Variants in PRR5 observed in about 807,000 individuals in gnomAD.
PRR5 encodes proline rich 5, also known as proline-rich protein 5.
In PRR5, 25 loss-of-function variants were observed where a neutral mutation model predicts 30.6. The ratio of observed to expected loss-of-function variants is 0.82; its 90% CI spans 0.60 to 1.14. PRR5 has a LOEUF of 1.14. PRR5 is among the 50% of genes most tolerant of loss of function. PRR5 has a pLI of 0.00. For missense variants in PRR5, 600 were observed against 547.1 expected, an observed-to-expected ratio of 1.10 and a Z score of -0.96; for synonymous variants, 286 against 247.1, an observed-to-expected ratio of 1.16 and a Z score of -1.48.
chr22:44,703,699 C>A (rs1021974806), intron 1 of PRR5, among the ~76,000 whole-genome samples: 3 of 152,166 alleles, frequency 2.0e-5, no homozygotes, highest in Non-Finnish European at 2.9e-5. Context: ...ATCTCCCTGA[C>A]CCAACGACTG....
At chr22:44,688,444 G>A (rs754605024) in intron 1 of PRR5, among the ~76,000 whole-genome samples, 2 of 152,184 alleles carry the variant, frequency 1.3e-5, no homozygotes, top group Non-Finnish European at 2.9e-5. Flanking sequence ...AACTAGTAGA[G>A]CATAATAGTT....
Position 44,702,513 on chromosome 22 carries a change from C to T in PRR5, c.39C>T (p.Pro13=), listed in dbSNP as rs1324089942. Residue 13 remains proline, a synonymous_variant, in exon 1 of 8, where the codon CCC becomes CCT. Coordinates refer to ENST00000336985, the MANE Select transcript of PRR5 (RefSeq NM_181333.4). ...TLRRLKFMSS[P]SLSDLGKREP... ...GCAGGTTGAAGTTCATGAGTTCGCC[C>T]AGCCTCAGTGACCTGGGCAAGAGAG... The T allele has an allele frequency of 1.4e-6, 2 of 1,471,212 alleles. No individual in the cohort carries two copies. Among genetic ancestry groups the T allele is most frequent in the Non-Finnish European group, 9.0e-7 (1 of 1,109,518 alleles). 91.1% of individuals were successfully genotyped at this position (1,471,212 alleles called of 1,614,324 possible).
intron 2 of PRR5, among the ~76,000 whole-genome samples, chr22:44,721,814 G>A (rs1014036598): frequency 3.3e-5 from 5 of 152,206 alleles, no homozygotes; most frequent in East Asian, 1.9e-4. Flanking sequence ...ACCGGGGCCT[G>A]CCCTCCAGCC....
Position 44,735,131 on chromosome 22 carries a change from C to T in PRR5, c.660C>T (p.Ser220=), listed in dbSNP as rs764102933. 4.3e-6 allele frequency: 7 copies of T among 1,612,980 alleles called. No individual in the cohort carries two copies. Among genetic ancestry groups the T allele is most frequent in the African/African-American group, 1.3e-5 (1 of 74,910 alleles). Residue 220 remains serine (S), a synonymous_variant, in exon 7 of 8, where the codon AGC becomes AGT. Coordinates refer to ENST00000336985, the MANE Select transcript of PRR5 (RefSeq NM_181333.4). ...PYLGTYGLHS[S]EGPFTHSCIL... Reference sequence around the variant, plus strand: ...TGGGCACCTACGGCCTCCACTCCAGCGAGGGGCCCTTCACCCATTCCTGCA... The same window carrying T: ...TGGGCACCTACGGCCTCCACTCCAGTGAGGGGCCCTTCACCCATTCCTGCA...
intron 6 of PRR5, chr22:44,734,679 G>A (rs948502970): frequency 1.3e-4 from 32 of 245,402 alleles, no homozygotes; most frequent in African/African-American, 7.2e-4. Context: ...GTCAGCCAGT[G>A]TCTCTGGAGA....
At chr22:44,734,828 A>C (rs1242125115) in intron 6 of PRR5, 199 bp from the exon 7 acceptor site, 2 of 691,554 alleles carry the variant, frequency 2.9e-6, no homozygotes, top group East Asian at 5.5e-5. Context: ...TGCTGTGAGC[A>C]GCAGAGTGAC....
Position 44,737,014 on chromosome 22 carries a change from G to C in PRR5, c.934G>C (p.Ala312Pro), listed in dbSNP as rs757750907. The C allele has an allele frequency of 1.1e-5, 17 of 1,600,324 alleles. No individual in the cohort carries two copies. The Admixed American group carries it at 2.8e-4, about 27-fold the overall frequency. Reference sequence around the variant, plus strand: ...CACCGGGACCTTCAGGTCCTCCCCGGCGCCCCACTCAGGGCCCTGCCCCAG... The same window carrying C: ...CACCGGGACCTTCAGGTCCTCCCCGCCGCCCCACTCAGGGCCCTGCCCCAG... Reference protein sequence around the residue: ...GPTGTFRSSPAPHSGPCPSRL... With the variant: ...GPTGTFRSSPPPHSGPCPSRL... Residue 312 changes from alanine to proline, a missense_variant, in exon 8 of 8, where the codon GCG (alanine) becomes CCG (proline). Physicochemically the swap from Ala to Pro is conservative, Grantham distance 27 (BLOSUM62 -1). Coordinates refer to ENST00000336985, the MANE Select transcript of PRR5 (RefSeq NM_181333.4).
chr22:44,730,227 A>C, intron 4 of PRR5: 1 of 985,202 alleles, frequency 1.0e-6, no homozygotes, highest in Non-Finnish European at 1.2e-6. Context: ...CCGCATTCCC[A>C]TGGAAACCTC....
Position 44,709,855 on chromosome 22 carries a change from A to G in PRR5, c.135-4736A>G, listed in dbSNP as rs186678797. On this transcript the variant is annotated intron_variant, in intron 1 of 7. Transcript: ENST00000336985. Reference sequence around the variant, plus strand: ...TGACAGAACGAGACTCCATCTCAAAAAAACAAACAGAGAAAAAGAACTTCC... The same window carrying G: ...TGACAGAACGAGACTCCATCTCAAAGAAACAAACAGAGAAAAAGAACTTCC... Among the ~76,000 whole-genome samples the G allele has an allele frequency of 3.0e-3, 453 of 152,302 alleles. 1 individual carries two copies. The highest frequency in any genetic ancestry group is 5.3e-3 in the Non-Finnish European group (361 of 68,036).
upstream of PRR5, among the ~76,000 whole-genome samples, chr22:44,674,353 C>T (rs919398323): frequency 3.3e-5 from 5 of 151,910 alleles, no homozygotes; most frequent in Non-Finnish European, 5.9e-5. Flanking sequence ...TGAGGTTTTG[C>T]AGCCAGGCAC....
chr22:44,702,130 CCCCCGCCCCCTTCCCCG>C (rs1365802746), upstream of PRR5: 12 of 213,178 alleles, frequency 5.6e-5, no homozygotes, highest in African/African-American at 1.2e-4. Context: ...GCCCGCGATG[CCCCCGCCCCCTTCCCCG>C]CCCCGCCCCC....
At chr22:44,732,967 GCATA>G (rs1922468140) in intron 6 of PRR5, among the ~76,000 whole-genome samples, 1 of 148,810 alleles carries the variant, frequency 6.7e-6, no homozygotes, top group South Asian at 2.1e-4. Flanking sequence ...GCGTGCACAC[GCATA>G]CACACTACAC....
chr22:44,727,112 G>A (rs1920987199), intron 4 of PRR5, among the ~76,000 whole-genome samples: 2 of 150,260 alleles, frequency 1.3e-5, no homozygotes, highest in Admixed American at 1.3e-4. Flanking sequence ...GAGTGGGAGA[G>A]TACAGTGATG....
At position 44,714,600 on chromosome 22, in the gene PRR5, CG is replaced by C; in HGVS notation, c.148del (p.Val50Ter). 1 of 1,613,318 alleles carries C rather than the reference CG, an allele frequency of 6.2e-7. No individual in the cohort carries two copies. The highest frequency in any genetic ancestry group is 8.5e-7 in the Non-Finnish European group (1 of 1,179,984). ...TTCCCTCTGCCCCCAGCATCCACAA[CG>C]GGGTGATCGCCGTCTTCCAGCGCAA... ...ANATWNSIHN[G>X]VIAVFQRKGL... On this transcript the variant is annotated frameshift_variant, in exon 2 of 8. Transcript: ENST00000336985. LOFTEE classifies it high-confidence loss of function.
At chr22:44,708,516 G>A (rs1490728342) in intron 1 of PRR5, among the ~76,000 whole-genome samples, 7 of 152,092 alleles carry the variant, frequency 4.6e-5, no homozygotes, top group East Asian at 1.9e-4. Context: ...CCCTGCACCC[G>A]TGTCTCCCCC....
intron 4 of PRR5, chr22:44,729,515 C>T (rs904027481): frequency 1.0e-5 from 10 of 985,530 alleles, no homozygotes; most frequent in South Asian, 4.7e-5. Context: ...CGGCAGCAAA[C>T]GCCCAGTGCT....
chr22:44,710,687 G>C (rs944345294), intron 1 of PRR5, among the ~76,000 whole-genome samples: 3 of 152,178 alleles, frequency 2.0e-5, no homozygotes, highest in East Asian at 3.9e-4. Flanking sequence ...TTTGGCTGGG[G>C]TGGAGAGGAG....
chr22:44,735,096 T>C lies in PRR5; in HGVS notation c.625T>C (p.Ser209Pro), dbSNP rs766831276. The change falls in exon 7 of 8, where the codon TCG becomes CCG. Residue 209 changes from serine to proline, a missense_variant. Ser to Pro is a moderately conservative substitution (Grantham distance 74, BLOSUM62 -1). Transcript: ENST00000336985. ...RLETLVQKVV[S>P]PYLGTYGLHS... ...GGAGACGCTGGTCCAGAAGGTGGTG[T>C]CGCCATACCTGGGCACCTACGGCCT... The C allele has an allele frequency of 4.3e-6, 7 of 1,612,248 alleles. No homozygotes were observed. Among genetic ancestry groups the C allele is most frequent in the African/African-American group, 1.3e-5 (1 of 74,964 alleles).
intron 1 of PRR5, among the ~76,000 whole-genome samples, chr22:44,705,481 G>T (rs1015104318): frequency 1.3e-5 from 2 of 151,766 alleles, no homozygotes; most frequent in Non-Finnish European, 2.9e-5. Flanking sequence ...CCACCACCAC[G>T]CCCGGCTAAT....
Sources: gnomAD v4.1 joint callset for allele counts (sites outside exome capture counted in the v4.1 genomes callset) on GRCh38, gnomAD v4.1.1 for gene constraint, MANE v1.5 for transcripts, NCBI Gene and HGNC (gene_info 2026-07-23, HGNC 2026-07-21) for gene names.